CD109: variants seen among roughly 807,000 people sequenced by gnomAD.
CD109 encodes CD109 molecule.
Under a neutral mutation model 165.8 loss-of-function variants are expected in CD109, and 149 were observed. That is an observed-to-expected ratio of 0.90 (90% CI 0.79 to 1.03). CD109 has a LOEUF of 1.03. Ranked by LOEUF, CD109 falls within the 50% of genes least tolerant of loss-of-function variation. The pLI, the probability that CD109 is intolerant of heterozygous loss-of-function variation, is 0.00. For missense variants in CD109, 1,712 were observed against 1,677.8 expected, an observed-to-expected ratio of 1.02 and a Z score of -0.36; for synonymous variants, 585 against 592.1, an observed-to-expected ratio of 0.99 and a Z score of 0.18.
the CD109 span, among the ~76,000 whole-genome samples, chr6:73,680,331 G>A: frequency 2.6e-5 from 4 of 152,146 alleles, no homozygotes; most frequent in African/African-American, 7.2e-5. Context: ...AACAGCCATT[G>A]AAGCTTGATT....
At chr6:73,741,536 T>G (rs912195177) in intron 5 of CD109, among the ~76,000 whole-genome samples, 2 of 152,220 alleles carry the variant, frequency 1.3e-5, no homozygotes, top group Admixed American at 1.3e-4. Context: ...AGGAAGATAA[T>G]GTGTTTTAAA....
At position 73,826,633 on chromosome 6, in the gene CD109, C is replaced by G. The variant is rs1252575493; in HGVS notation, c.*3000C>G. The G allele has an allele frequency of 6.6e-6, 1 of 152,102 alleles. No individual in the cohort carries two copies. Among genetic ancestry groups the G allele is most frequent in the Non-Finnish European group, 1.5e-5 (1 of 68,016 alleles). 9.4% of individuals were successfully genotyped at this position (152,102 alleles called of 1,614,324 possible). A position where few individuals can be genotyped will look rare whatever the true frequency, so the allele number is the denominator to read the frequency against. On this transcript the variant is annotated 3_prime_UTR_variant, in exon 33 of 33. Coordinates refer to ENST00000287097, the MANE Select transcript of CD109 (RefSeq NM_133493.5). Reference sequence around the variant, plus strand: ...CCTTTTATTGTGTTGTGCTATTGTACTTTGTTTTTCAAAACATTGTAAAAA... The same window carrying G: ...CCTTTTATTGTGTTGTGCTATTGTAGTTTGTTTTTCAAAACATTGTAAAAA...
At chr6:73,819,897 T>C (rs1020713206) in intron 31 of CD109, among the ~76,000 whole-genome samples, 36 of 152,370 alleles carry the variant, frequency 2.4e-4, no homozygotes, top group African/African-American at 8.2e-4. Flanking sequence ...ACTTTTCATT[T>C]ACTACTATTG....
At chr6:73,741,005 T>C (rs1434889284) in intron 5 of CD109, among the ~76,000 whole-genome samples, 1 of 152,166 alleles carries the variant, frequency 6.6e-6, no homozygotes, top group African/African-American at 2.4e-5. Context: ...AGGTTCTCTC[T>C]ACCCTGCCAC....
At chr6:73,771,928 AC>A (rs1774049934) in intron 15 of CD109, among the ~76,000 whole-genome samples, 1 of 152,208 alleles carries the variant, frequency 6.6e-6, no homozygotes, top group Non-Finnish European at 1.5e-5. Flanking sequence ...TGTTCTCACC[AC>A]AAAAAATGAT....
chr6:73,763,880 C>T (rs538876591), intron 10 of CD109, among the ~76,000 whole-genome samples, 195 bp downstream of exon 10: 1 of 152,190 alleles, frequency 6.6e-6, no homozygotes, highest in African/African-American at 2.4e-5. Context: ...TAGTTTTCAA[C>T]AACAGTAAAA....
intron 24 of CD109, among the ~76,000 whole-genome samples, chr6:73,806,444 T>C (rs1245301481): frequency 2.6e-5 from 4 of 152,122 alleles, no homozygotes; most frequent in Non-Finnish European, 4.4e-5. Context: ...CACACCAACA[T>C]GGCACATGTA....
At chr6:73,693,243 G>C (rs1198639498), upstream of CD109, among the ~76,000 whole-genome samples, 1 of 152,148 alleles carries the variant, frequency 6.6e-6, no homozygotes, top group Non-Finnish European at 1.5e-5. Context: ...AGGTCCTCAG[G>C]CTGCTTCCAC....
rs1770878154 is a variant in CD109 at position 73,697,270 on chromosome 6, C to CA, written c.75-128dup. The CA allele has an allele frequency of 4.3e-6, 3 of 692,108 alleles. No homozygotes were observed. The East Asian group carries it at 7.8e-5, about 18-fold the overall frequency. 42.9% of individuals were successfully genotyped at this position (692,108 alleles called of 1,614,324 possible). A position where few individuals can be genotyped will look rare whatever the true frequency, so the allele number is the denominator to read the frequency against. On this transcript the variant is annotated intron_variant, in intron 1 of 32. Transcript: ENST00000287097. The stretch of plus-strand genomic sequence containing the variant: ...TTCAGTTGCCAAATAGAGCAGTGGG[C>CA]AATGTTAACGGAAACAACTGCAATT...
chr6:73,687,178 G>C, the CD109 span, among the ~76,000 whole-genome samples: 2 of 152,226 alleles, frequency 1.3e-5, no homozygotes, highest in African/African-American at 4.8e-5. Flanking sequence ...GAAAACTATA[G>C]AGAGAAATCC....
intron 15 of CD109, among the ~76,000 whole-genome samples, chr6:73,776,230 A>G (rs369968504): frequency 6.6e-6 from 1 of 151,970 alleles, no homozygotes; most frequent in Admixed American, 6.6e-5. Context: ...CTGGTGTGAG[A>G]TGGTATCTCA....
intron 4 of CD109, among the ~76,000 whole-genome samples, chr6:73,731,277 A>G (rs1346258782): frequency 6.6e-6 from 1 of 152,108 alleles, no homozygotes; most frequent in Non-Finnish European, 1.5e-5. Flanking sequence ...TGATCCACCC[A>G]CCTCAGCCTC....
At chr6:73,734,842 A>T (rs912297137) in intron 4 of CD109, among the ~76,000 whole-genome samples, 1 of 152,230 alleles carries the variant, frequency 6.6e-6, no homozygotes, top group African/African-American at 2.4e-5. Flanking sequence ...TCTCAGTCAC[A>T]GTCTAGTTGG....
At chr6:73,739,918 G>T (rs548145134) in intron 5 of CD109, among the ~76,000 whole-genome samples, 1 of 152,286 alleles carries the variant, frequency 6.6e-6, no homozygotes, top group African/African-American at 2.4e-5. Flanking sequence ...ACTCAGGCTA[G>T]AGTGAAGTGG....
chr6:73,711,988 T>C (rs1771555822), intron 2 of CD109, among the ~76,000 whole-genome samples: 1 of 152,332 alleles, frequency 6.6e-6, no homozygotes. Context: ...TTCTTATCCC[T>C]TACCTCCCTG....
rs753441604 is a variant in CD109 at position 73,736,465 on chromosome 6, C to T, written c.590C>T (p.Ser197Phe). The change falls in exon 5 of 33, where the codon TCC (serine) becomes TTC (phenylalanine). Residue 197 changes from serine (S) to phenylalanine (F), a missense_variant. By Grantham distance (155) the Ser-to-Phe change is radical. Transcript: ENST00000287097. ...ATTTCCAAAACTTTTCAGCTATCTT[C>T]CCATCCAATACTTGGTGACTGGTCT... ...GVISKTFQLSSHPILGDWSIQ... is the reference protein window; with the variant it reads ...GVISKTFQLSFHPILGDWSIQ... The T allele has an allele frequency of 1.9e-6, 3 of 1,613,570 alleles. No homozygotes were observed. The highest frequency in any genetic ancestry group is 2.7e-5 in the African/African-American group (2 of 75,010).
intron 23 of CD109, 29 bp downstream of exon 23, chr6:73,792,831 C>T (rs538445512): frequency 5.8e-6 from 9 of 1,563,600 alleles, no homozygotes; most frequent in Admixed American, 4.0e-5. Flanking sequence ...TACATTTGTT[C>T]GTAGAAAAAA....
chr6:73,719,560 C>T (rs1203212434), intron 2 of CD109, among the ~76,000 whole-genome samples: 2 of 152,052 alleles, frequency 1.3e-5, no homozygotes, highest in South Asian at 2.1e-4. Flanking sequence ...TAGGTTGTAA[C>T]CCATTATTTA....
At chr6:73,750,955 A>T (rs556609607) in intron 5 of CD109, among the ~76,000 whole-genome samples, 1 of 104,634 alleles carries the variant, frequency 9.6e-6, no homozygotes, top group Admixed American at 9.4e-5. Context: ...TTACTTTCAT[A>T]TACACAGTCT....
Sources: gnomAD v4.1 joint callset for allele counts (sites outside exome capture counted in the v4.1 genomes callset) on GRCh38, gnomAD v4.1.1 for gene constraint, MANE v1.5 for transcripts, NCBI Gene and HGNC (gene_info 2026-07-23, HGNC 2026-07-21) for gene names.